OPN3: variants seen among roughly 807,000 people sequenced by gnomAD.
OPN3 encodes the protein opsin-3.
In OPN3, 29 loss-of-function variants were observed where a neutral mutation model predicts 33.8. That is an observed-to-expected ratio of 0.86 (90% CI 0.64 to 1.17). OPN3 has a LOEUF of 1.17. OPN3 is among the 50% of genes most tolerant of loss of function. OPN3 has a pLI of 0.00. For synonymous variants in OPN3, 216 were observed against 216.1 expected (o/e 1.00, Z 0.00); for missense variants, 437 against 514.1 (o/e 0.85, Z 1.45).
Position 241,600,155 on chromosome 1 carries a change from T to C in OPN3, c.694-2158A>G, listed in dbSNP as rs1341629794. Among the ~76,000 whole-genome samples the C allele has an allele frequency of 2.0e-5, 3 of 152,198 alleles. No homozygotes were observed. In the East Asian group the frequency reaches 5.8e-4, roughly 29 times the overall value. On this transcript the variant is annotated intron_variant, in intron 2 of 3. Coordinates refer to ENST00000366554, the MANE Select transcript of OPN3 (RefSeq NM_014322.3). The stretch of plus-strand genomic sequence containing the variant: ...ATCCATCTTGGAATTACATGCATGC[T>C]GGGGAAATTAATTTAAATAAATGTT...
At chr1:241,601,924 AT>A (rs1663688481) in intron 2 of OPN3, among the ~76,000 whole-genome samples, 1 of 152,224 alleles carries the variant, frequency 6.6e-6, no homozygotes, top group African/African-American at 2.4e-5. Flanking sequence ...TTTAGGGAAA[AT>A]ATGACAAATT....
At chr1:241,600,371 A>C (rs1663649266) in intron 2 of OPN3, 1 of 152,108 alleles carries the variant, frequency 6.6e-6, no homozygotes. Context: ...ACTCGATTTC[A>C]TGTCTTACCC....
At chr1:241,609,579 C>T (rs3765813) in intron 1 of OPN3, among the ~76,000 whole-genome samples, 40,945 of 152,122 alleles carry the variant, frequency 0.27, 5,514 homozygotes, top group East Asian at 0.32. Context: ...GACTGCAATA[C>T]TGTATTTTTA....
chr1:241,612,391 G>A (rs1007051145), intron 1 of OPN3, among the ~76,000 whole-genome samples: 10 of 152,212 alleles, frequency 6.6e-5, no homozygotes, highest in African/African-American at 2.2e-4. Flanking sequence ...AACTATTTTT[G>A]TTCACAGATA....
At chr1:241,608,216 A>G (rs1018057032) in intron 1 of OPN3, among the ~76,000 whole-genome samples, 2 of 152,236 alleles carry the variant, frequency 1.3e-5, no homozygotes, top group African/African-American at 4.8e-5. Flanking sequence ...AAATAATTGC[A>G]CTGTTGTAAA....
At chr1:241,620,073 T>C (rs1664234394) in intron 1 of OPN3, among the ~76,000 whole-genome samples, 1 of 149,654 alleles carries the variant, frequency 6.7e-6, no homozygotes, top group Non-Finnish European at 1.5e-5. Context: ...GTTCACCAAG[T>C]ACTGGGGAAT....
At position 241,607,643 on chromosome 1, in the gene OPN3, A is replaced by C. The variant is rs150426096; in HGVS notation, c.374-3064T>G. ...AAGGAAGAAAAAGAAAAAGGAAGAA[A>C]GAAGAAAGAAGAAAGAAAGAAAGAA... On this transcript the variant is annotated intron_variant, in intron 1 of 3. Coordinates refer to ENST00000366554, the MANE Select transcript of OPN3 (RefSeq NM_014322.3). Among the ~76,000 whole-genome samples, 245 of 150,824 alleles carry C rather than the reference A, an allele frequency of 1.6e-3. 1 individual carries two copies. The highest frequency in any genetic ancestry group is 5.7e-3 in the African/African-American group (235 of 41,114).
At chr1:241,635,181 C>G (rs1278028469) in intron 1 of OPN3, 1 of 1,613,010 alleles carries the variant, frequency 6.2e-7, no homozygotes, top group Non-Finnish European at 8.5e-7. Context: ...TCTTTATCTC[C>G]ATCTTTATCT....
chr1:241,619,434 T>C (rs1478099428), intron 1 of OPN3, among the ~76,000 whole-genome samples: 1 of 152,232 alleles, frequency 6.6e-6, no homozygotes, highest in Non-Finnish European at 1.5e-5. Context: ...TTCTGTACTT[T>C]ACTCATTTCT....
At position 241,594,413 on chromosome 1, in the gene OPN3, T is replaced by G; in HGVS notation, c.*15A>C. The G allele has an allele frequency of 3.1e-6, 5 of 1,606,498 alleles. No individual in the cohort carries two copies. The highest frequency in any genetic ancestry group is 4.3e-6 in the Non-Finnish European group (5 of 1,174,746). On this transcript the variant is annotated 3_prime_UTR_variant, in exon 4 of 4. Transcript: ENST00000366554. ...TCCAATTTAAGGCCCCATCTTTCGT[T>G]GCCATTCTTCATTCCTACAAAGGAC...
chr1:241,594,677 A>G lies in OPN3; in HGVS notation c.960T>C (p.Leu320=). Residue 320 remains leucine (L), a synonymous_variant, in exon 4 of 4, where the codon CTT becomes CTC. Coordinates refer to ENST00000366554, the MANE Select transcript of OPN3 (RefSeq NM_014322.3). ...GCAGTCGGAGGCACAGAAGCTGCAA[A>G]AGGGATCTTCGAAACTGGGCAGAGA... The part of the protein sequence containing the change: ...VFMIRKFRRS[L]LQLLCLRLLR... The G allele has an allele frequency of 6.2e-7, 1 of 1,613,626 alleles. No homozygotes were observed. The highest frequency in any genetic ancestry group is 8.5e-7 in the Non-Finnish European group (1 of 1,179,814).
Position 241,597,841 on chromosome 1 carries a change from G to A in OPN3, c.850C>T (p.His284Tyr). Residue 284 changes from histidine (H) to tyrosine (Y), a missense_variant, in exon 3 of 4, where the codon CAC becomes TAC. Physicochemically the swap from His to Tyr is moderately conservative, Grantham distance 83. Transcript: ENST00000366554. The stretch of plus-strand genomic sequence containing the variant: ...ATAGATATTGTTGGAGTGACCAGGT[G>A]ACCATGACCATTAACCACCAAGAAG... Reference protein sequence around the residue: ...ICFLVVNGHGHLVTPTISIVS... With the variant: ...ICFLVVNGHGYLVTPTISIVS... 1 of 1,613,826 alleles carries A rather than the reference G, an allele frequency of 6.2e-7. No homozygotes were observed. Among genetic ancestry groups the A allele is most frequent in the Non-Finnish European group, 8.5e-7 (1 of 1,179,954 alleles).
rs1663573435 is a variant in OPN3 at position 241,598,007 on chromosome 1, G to A, written c.694-10C>T. On this transcript the variant is annotated splice_polypyrimidine_tract_variant and intron_variant, in intron 2 of 3. Coordinates refer to ENST00000366554, the MANE Select transcript of OPN3 (RefSeq NM_014322.3). Reference sequence around the variant, plus strand: ...CTTCCACACAACGAAGCTGCAGAAAGGAGAAAGAAAGGAAAGGGCTTAAAA... The same window carrying A: ...CTTCCACACAACGAAGCTGCAGAAAAGAGAAAGAAAGGAAAGGGCTTAAAA... 1 of 1,609,558 alleles carries A rather than the reference G, an allele frequency of 6.2e-7. No homozygotes were observed. The highest frequency in any genetic ancestry group is 8.5e-7 in the Non-Finnish European group (1 of 1,178,508).
chr1:241,594,319 A>T lies in OPN3; in HGVS notation c.*109T>A. 1.6e-6 allele frequency: 2 copies of T among 1,237,314 alleles called. No homozygotes were observed. The highest frequency in any genetic ancestry group is 3.0e-5 in the South Asian group (2 of 67,350). 76.6% of individuals were successfully genotyped at this position (1,237,314 alleles called of 1,614,324 possible). On this transcript the variant is annotated 3_prime_UTR_variant, in exon 4 of 4. Transcript: ENST00000366554. ...CAATTCGGATTTCCTGCTGGACCAC[A>T]AGGTTCTGTTGATATTACATAGAAC...
chr1:241,632,627 A>G (rs781174194), intron 1 of OPN3: 5 of 152,158 alleles, frequency 3.3e-5, no homozygotes, highest in African/African-American at 4.8e-5. Flanking sequence ...TATACTCTGG[A>G]TAACAGCTAA....
intron 1 of OPN3, among the ~76,000 whole-genome samples, chr1:241,626,580 G>A (rs1664424605): frequency 6.6e-6 from 1 of 152,024 alleles, no homozygotes; most frequent in Admixed American, 6.6e-5. Context: ...ATTATTAATT[G>A]CCTAAAAACA....
At chr1:241,602,009 G>A (rs755820329) in intron 2 of OPN3, among the ~76,000 whole-genome samples, 5 of 152,208 alleles carry the variant, frequency 3.3e-5, no homozygotes, top group Non-Finnish European at 5.9e-5. Context: ...AATTGACTAC[G>A]AGGATCTGTT....
At chr1:241,627,941 T>C (rs974422976) in intron 1 of OPN3, among the ~76,000 whole-genome samples, 1 of 152,158 alleles carries the variant, frequency 6.6e-6, no homozygotes, top group Admixed American at 6.5e-5. Context: ...CCTAAGCCCT[T>C]GATGTCCTGG....
At chr1:241,635,662 C>G in intron 1 of OPN3, 1 of 1,614,046 alleles carries the variant, frequency 6.2e-7, no homozygotes, top group Non-Finnish European at 8.5e-7. Context: ...AATCAATATG[C>G]AGAACCCTCT....
Sources: allele counts gnomAD v4.1 joint callset (sites outside exome capture counted in the v4.1 genomes callset), GRCh38; gene constraint gnomAD v4.1.1; transcripts MANE v1.5; gene names NCBI Gene and HGNC (gene_info 2026-07-23, HGNC 2026-07-21).